Variants in TRIM2 observed in about 807,000 individuals in gnomAD.
TRIM2 encodes the protein tripartite motif containing 2.
A neutral mutation model predicts 75.2 loss-of-function variants in TRIM2; 20 were observed. The ratio of observed to expected loss-of-function variants is 0.27; its 90% CI spans 0.19 to 0.39. The LOEUF is 0.39. Among genes scored for constraint, TRIM2 ranks in the 10% least tolerant of loss-of-function variants. The pLI is 1.00. For missense variants in TRIM2, 660 were observed against 990.8 expected (o/e 0.67, Z 4.48); for synonymous variants, 373 against 388.3 (o/e 0.96, Z 0.46).
Position 153,336,559 on chromosome 4 carries a change from G to C in TRIM2, c.*1593G>C. On this transcript the variant is annotated 3_prime_UTR_variant, in exon 12 of 12. Transcript: ENST00000338700. ...ATTTTCTACTCAGTTCTACCAAATA[G>C]GATGTCATGTTTGACATTTTTGATA... 1.0e-6 allele frequency: 1 copy of C among 985,794 alleles called. No homozygotes were observed. The highest frequency in any genetic ancestry group is 1.2e-6 in the Non-Finnish European group (1 of 829,928). 61.1% of individuals were successfully genotyped at this position (985,794 alleles called of 1,614,324 possible).
intron 1 of TRIM2, among the ~76,000 whole-genome samples, chr4:153,223,385 T>C (rs1254073983): frequency 6.6e-6 from 1 of 152,246 alleles, no homozygotes; most frequent in East Asian, 1.9e-4. Context: ...AGGACTGTAG[T>C]AATTTTGAAA....
At chr4:153,285,038 C>A (rs1760278983) in intron 3 of TRIM2, among the ~76,000 whole-genome samples, 1 of 152,140 alleles carries the variant, frequency 6.6e-6, no homozygotes, top group African/African-American at 2.4e-5. Flanking sequence ...TGAAAATTCA[C>A]CCCTGTTTCC....
At chr4:153,220,750 A>G (rs1214611800) in intron 1 of TRIM2, among the ~76,000 whole-genome samples, 1 of 152,218 alleles carries the variant, frequency 6.6e-6, no homozygotes, top group East Asian at 1.9e-4. Context: ...AGGCATTTCT[A>G]CAAGGAAGAT....
intron 1 of TRIM2, among the ~76,000 whole-genome samples, chr4:153,185,525 G>A (rs1732512400): frequency 6.6e-6 from 1 of 152,148 alleles, no homozygotes; most frequent in African/African-American, 2.4e-5. Flanking sequence ...GTCATTTTCT[G>A]AGGAATACTC....
chr4:153,308,637 A>G (rs1765550287), intron 6 of TRIM2: 1 of 607,474 alleles, frequency 1.6e-6, no homozygotes, highest in African/African-American at 1.8e-5. Context: ...TGGCCATTTC[A>G]ATGTTCAAAG....
intron 1 of TRIM2, among the ~76,000 whole-genome samples, chr4:153,196,664 A>G (rs987439542): frequency 9.2e-5 from 14 of 152,212 alleles, no homozygotes; most frequent in Non-Finnish European, 1.9e-4. Context: ...AGCTTCTTCA[A>G]AATTAATGGT....
At chr4:153,314,118 C>G (rs1011570741) in intron 6 of TRIM2, among the ~76,000 whole-genome samples, 1 of 152,036 alleles carries the variant, frequency 6.6e-6, no homozygotes, top group Non-Finnish European at 1.5e-5. Context: ...AACCAGATGT[C>G]CGTTAACCTG....
At chr4:153,195,148 G>C (rs983291484) in intron 1 of TRIM2, among the ~76,000 whole-genome samples, 1 of 152,206 alleles carries the variant, frequency 6.6e-6, no homozygotes, top group Non-Finnish European at 1.5e-5. Flanking sequence ...AGATAGAAAA[G>C]GACAGAGACA....
chr4:153,177,220 A>G (rs1731534032), intron 1 of TRIM2, among the ~76,000 whole-genome samples: 1 of 152,258 alleles, frequency 6.6e-6, no homozygotes, highest in South Asian at 2.1e-4. Flanking sequence ...GGCTCTTGTC[A>G]TAAGACGAGG....
intron 1 of TRIM2, among the ~76,000 whole-genome samples, chr4:153,264,044 A>G (rs1026158890): frequency 6.6e-6 from 1 of 152,166 alleles, no homozygotes; most frequent in Non-Finnish European, 1.5e-5. Context: ...TACGGAGAAA[A>G]ACCTAGCAAG....
chr4:153,336,166 T>A lies in TRIM2; in HGVS notation c.*1200T>A. On this transcript the variant is annotated 3_prime_UTR_variant, in exon 12 of 12. Transcript: ENST00000338700. ...CACATATATATAGCTGAATCTTTGG[T>A]GTATTGAAATAGGCAGCACTCTGAA... The A allele has an allele frequency of 1.0e-6, 1 of 985,252 alleles. No homozygotes were observed. Among genetic ancestry groups the A allele is most frequent in the South Asian group, 4.7e-5 (1 of 21,270 alleles). The allele number at this position is 985,252 out of a possible 1,614,324, so 61.0% of individuals were successfully genotyped here.
At position 153,338,716 on chromosome 4, in the gene TRIM2, T is replaced by C. The variant is rs930589847; in HGVS notation, c.*3750T>C. 4.1e-6 allele frequency: 4 copies of C among 985,738 alleles called. No homozygotes were observed. The African/African-American group carries it at 7.0e-5, about 17-fold the overall frequency. 61.1% of individuals were successfully genotyped at this position (985,738 alleles called of 1,614,324 possible). A position where few individuals can be genotyped will look rare whatever the true frequency, so the allele number is the denominator to read the frequency against. The stretch of plus-strand genomic sequence containing the variant: ...ATTGTGTGGCAGTGATTGGTCTGTT[T>C]GTGGAGAATGTATGAAAGCTATTAA... On this transcript the variant is annotated 3_prime_UTR_variant, in exon 12 of 12. Coordinates refer to ENST00000338700, the MANE Select transcript of TRIM2 (RefSeq NM_015271.5).
intron 1 of TRIM2, among the ~76,000 whole-genome samples, chr4:153,223,409 CTT>C (rs574359289): frequency 6.6e-6 from 1 of 152,228 alleles, no homozygotes; most frequent in South Asian, 2.1e-4. Flanking sequence ...TCGGCTTCCT[CTT>C]TTTCTTTAAA....
chr4:153,289,105 C>T (rs965977931), intron 3 of TRIM2, among the ~76,000 whole-genome samples: 7 of 151,994 alleles, frequency 4.6e-5, no homozygotes, highest in African/African-American at 1.7e-4. Flanking sequence ...TTTTATTCCT[C>T]TTTGTGAACT....
chr4:153,192,480 G>A (rs1449348390), intron 1 of TRIM2, among the ~76,000 whole-genome samples: 3 of 151,722 alleles, frequency 2.0e-5, no homozygotes, highest in East Asian at 1.9e-4. Context: ...AGTGGTGGGC[G>A]CCAGTAGTCC....
At chr4:153,270,750 T>C (rs1043384746) in intron 2 of TRIM2, among the ~76,000 whole-genome samples, 7 of 152,236 alleles carry the variant, frequency 4.6e-5, no homozygotes, top group African/African-American at 1.2e-4. Context: ...ACACAAGAGA[T>C]GGAGCATTAA....
intron 11 of TRIM2, among the ~76,000 whole-genome samples, chr4:153,332,577 G>A (rs530122003): frequency 1.7e-4 from 26 of 152,046 alleles, no homozygotes; most frequent in Non-Finnish European, 2.8e-4. Flanking sequence ...CCCAGAAAGC[G>A]GAGGTTGCAG....
chr4:153,181,603 C>T (rs1732067044), intron 1 of TRIM2, among the ~76,000 whole-genome samples: 1 of 152,132 alleles, frequency 6.6e-6, no homozygotes. Context: ...TTCCCTCATG[C>T]GCCAGGGATG....
intron 1 of TRIM2, chr4:153,257,633 G>A (rs772535576): frequency 4.7e-6 from 6 of 1,266,432 alleles, no homozygotes; most frequent in South Asian, 3.7e-5. Context: ...CAGTCTCTTT[G>A]CATGGTGCTT....
Sources: gnomAD v4.1 joint callset for allele counts (sites outside exome capture counted in the v4.1 genomes callset) on GRCh38, gnomAD v4.1.1 for gene constraint, MANE v1.5 for transcripts, NCBI Gene and HGNC (gene_info 2026-07-23, HGNC 2026-07-21) for gene names.